The following SNAP91 variants were observed in gnomAD, a reference collection of about 807,000 sequenced individuals.
The protein encoded by SNAP91 is clathrin coat assembly protein AP180.
In SNAP91, 27 loss-of-function variants were observed where a neutral mutation model predicts 100.3. That is an observed-to-expected ratio of 0.27 (90% CI 0.20 to 0.37). The LOEUF is 0.37. Among genes scored for constraint, SNAP91 ranks in the 10% least tolerant of loss-of-function variants. The pLI is 1.00. For missense variants in SNAP91, 986 were observed against 1,123.7 expected (o/e 0.88, Z 1.75); for synonymous variants, 404 against 398.6 (o/e 1.01, Z -0.16).
chr6:83,589,903 T>C (rs1298728155), intron 22 of SNAP91, among the ~76,000 whole-genome samples: 1 of 152,174 alleles, frequency 6.6e-6, no homozygotes, highest in African/African-American at 2.4e-5. Flanking sequence ...GTGCCAGGAT[T>C]GTTTATTGTA....
At chr6:83,695,276 C>CAAAAAAAAA (rs56103542) in intron 2 of SNAP91, among the ~76,000 whole-genome samples, 6 of 67,316 alleles carry the variant, frequency 8.9e-5, no homozygotes, top group East Asian at 4.6e-4. Flanking sequence ...GGCTCCATCT[C>CAAAAAAAAA]AAAAAAAAAA....
At position 83,703,413 on chromosome 6, in the gene SNAP91, T is replaced by C. The variant is rs1046469204; in HGVS notation, c.130+4385A>G. On this transcript the variant is annotated intron_variant, in intron 2 of 29. Coordinates refer to ENST00000369694, the MANE Select transcript of SNAP91 (RefSeq NM_001242792.2). Reference sequence around the variant, plus strand: ...TGAATTAGTGTGCTAACAGAACTTCTATGAATTAAAATATATTTCATATTT... The same window carrying C: ...TGAATTAGTGTGCTAACAGAACTTCCATGAATTAAAATATATTTCATATTT... 3.3e-5 allele frequency among the ~76,000 whole-genome samples: 5 copies of C among 152,304 alleles called. No individual in the cohort carries two copies. The East Asian group carries it at 9.6e-4, about 29-fold the overall frequency.
intron 3 of SNAP91, among the ~76,000 whole-genome samples, chr6:83,664,122 T>C (rs1441342020): frequency 1.3e-5 from 2 of 152,090 alleles, no homozygotes; most frequent in Non-Finnish European, 2.9e-5. Context: ...CCTTTCAAAA[T>C]ATTACTGCTC....
At chr6:83,601,854 T>C (rs1490058649) in intron 14 of SNAP91, among the ~76,000 whole-genome samples, 1 of 152,210 alleles carries the variant, frequency 6.6e-6, no homozygotes, top group African/African-American at 2.4e-5. Flanking sequence ...AACAAGCAAA[T>C]GGGTCACAAA....
intron 23 of SNAP91, 56 bp from the exon 24 acceptor site, chr6:83,580,655 C>T (rs539956417): frequency 2.5e-5 from 37 of 1,470,368 alleles, no homozygotes; most frequent in Non-Finnish European, 2.8e-5. Context: ...AGATCATATG[C>T]GAAATTAAAG....
chr6:83,659,742 C>A (rs1291819655), intron 5 of SNAP91, among the ~76,000 whole-genome samples: 2 of 151,638 alleles, frequency 1.3e-5, no homozygotes, highest in Non-Finnish European at 2.9e-5. Flanking sequence ...AAAATATAAG[C>A]TTTCAAAAAA....
At chr6:83,623,847 T>C (rs1321619648) in intron 8 of SNAP91, among the ~76,000 whole-genome samples, 1 of 152,132 alleles carries the variant, frequency 6.6e-6, no homozygotes. Context: ...AATATATACT[T>C]ATTTCCCCAT....
chr6:83,709,338 T>C (rs1167873294), upstream of SNAP91: 2 of 152,146 alleles, frequency 1.3e-5, no homozygotes, highest in African/African-American at 2.4e-5. Flanking sequence ...AGCCAGCGGC[T>C]CTCCGCTGGG....
intron 24 of SNAP91, among the ~76,000 whole-genome samples, chr6:83,579,636 T>G (rs1274742812): frequency 6.6e-6 from 1 of 152,140 alleles, no homozygotes; most frequent in Non-Finnish European, 1.5e-5. Flanking sequence ...GCTGCCCTCC[T>G]CCCTAGGACT....
At chr6:83,648,155 T>C (rs2098030472) in intron 7 of SNAP91, among the ~76,000 whole-genome samples, 1 of 152,224 alleles carries the variant, frequency 6.6e-6, no homozygotes, top group African/African-American at 2.4e-5. Flanking sequence ...TAGTCTCTTT[T>C]CTGTCACTGT....
chr6:83,672,455 G>C (rs2098800860), intron 2 of SNAP91, among the ~76,000 whole-genome samples: 1 of 151,738 alleles, frequency 6.6e-6, no homozygotes, highest in Non-Finnish European at 1.5e-5. Context: ...TTTATGTGAT[G>C]AACACTGTCA....
At chr6:83,629,582 G>A (rs1273556848) in intron 8 of SNAP91, among the ~76,000 whole-genome samples, 1 of 151,956 alleles carries the variant, frequency 6.6e-6, no homozygotes, top group South Asian at 2.1e-4. Context: ...TCCTCGGTTC[G>A]GTATATTCCT....
At position 83,596,767 on chromosome 6, in the gene SNAP91, T is replaced by G. The variant is rs531419212; in HGVS notation, c.1325-2286A>C. Among the ~76,000 whole-genome samples, 148 of 152,296 alleles carry G rather than the reference T, an allele frequency of 9.7e-4. 6 individuals carry two copies. In the South Asian group the frequency reaches 0.03, roughly 31 times the overall value. On this transcript the variant is annotated intron_variant, in intron 16 of 29. Coordinates refer to ENST00000369694, the MANE Select transcript of SNAP91 (RefSeq NM_001242792.2). ...ATATACTTTTTCAATTAAAGATTTTTTTTTTAAAAAGTCTGATGACTAAAG... is the reference window on the plus strand; with the variant it reads ...ATATACTTTTTCAATTAAAGATTTTGTTTTTAAAAAGTCTGATGACTAAAG...
chr6:83,587,642 A>G (rs1582551752), intron 22 of SNAP91, among the ~76,000 whole-genome samples: 2 of 152,200 alleles, frequency 1.3e-5, no homozygotes, highest in African/African-American at 4.8e-5. Context: ...GTCCTACTTA[A>G]TATGCATTAA....
chr6:83,622,045 T>G (rs2096750483), intron 9 of SNAP91, among the ~76,000 whole-genome samples: 1 of 152,136 alleles, frequency 6.6e-6, no homozygotes, highest in Non-Finnish European at 1.5e-5. Flanking sequence ...TAAAGAGATT[T>G]TTAGTGGCAC....
At chr6:83,582,377 A>G (rs1302786569) in intron 22 of SNAP91, 21 bp from the exon 23 acceptor site, 8 of 1,605,822 alleles carry the variant, frequency 5.0e-6, no homozygotes, top group African/African-American at 1.3e-5. Flanking sequence ...GTTCCAAAAA[A>G]ACAAGCAGAA....
intron 26 of SNAP91, among the ~76,000 whole-genome samples, chr6:83,571,157 T>C (rs1293853956): frequency 6.7e-6 from 1 of 150,346 alleles, no homozygotes; most frequent in Non-Finnish European, 1.5e-5. Context: ...AAGGCTGGAG[T>C]GCAGTGGCAC....
chr6:83,601,296 G>A lies in SNAP91; in HGVS notation c.1299C>T (p.Val433=). The A allele has an allele frequency of 6.2e-7, 1 of 1,613,462 alleles. No homozygotes were observed. Among genetic ancestry groups the A allele is most frequent in the Non-Finnish European group, 8.5e-7 (1 of 1,179,626 alleles). The change falls in exon 16 of 30, where the codon GTC becomes GTT. Residue 433 remains valine, a synonymous_variant. Coordinates refer to ENST00000369694, the MANE Select transcript of SNAP91 (RefSeq NM_001242792.2). ...SASTTTTVTA[V]TAEVDLFGDA... ...CTCCAAAGAGATCCACTTCAGCAGTGACAGCAGTAACAGTTGTAGTAGTGG... is the reference window on the plus strand; with the variant it reads ...CTCCAAAGAGATCCACTTCAGCAGTAACAGCAGTAACAGTTGTAGTAGTGG...
intron 14 of SNAP91, 137 bp from the exon 15 acceptor site, chr6:83,601,736 A>C (rs1157362056): frequency 2.6e-6 from 2 of 783,866 alleles, no homozygotes; most frequent in Non-Finnish European, 4.3e-6. Flanking sequence ...ACCATTTGCA[A>C]TTAAAAAATA....
Sources: gnomAD v4.1 joint callset for allele counts (sites outside exome capture counted in the v4.1 genomes callset) on GRCh38, gnomAD v4.1.1 for gene constraint, MANE v1.5 for transcripts, NCBI Gene and HGNC (gene_info 2026-07-23, HGNC 2026-07-21) for gene names.